The following LYRM2 variants were observed in gnomAD, a reference collection of about 807,000 sequenced individuals.
The protein encoded by LYRM2 is LYR motif-containing protein 2.
In LYRM2, 8 loss-of-function variants were observed where a neutral mutation model predicts 11.6. The ratio of observed to expected loss-of-function variants is 0.69; its 90% CI spans 0.40 to 1.24. The LOEUF (loss-of-function observed/expected upper bound fraction) is 1.24. Among genes scored for constraint, LYRM2 ranks in the 50% most tolerant of loss-of-function variants. The pLI is 0.01. For missense variants in LYRM2, 117 were observed against 102.9 expected, an observed-to-expected ratio of 1.14 and a Z score of -0.59; for synonymous variants, 30 against 36.4, an observed-to-expected ratio of 0.83 and a Z score of 0.63.
In LYRM2 at chr6:89,638,695, G is replaced by C. The variant is rs1011408373; in HGVS notation, c.22C>G (p.Pro8Ala). The change falls in exon 1 of 3, where the codon CCA becomes GCA. Residue 8 changes from proline (P) to alanine (A), a missense_variant. Pro to Ala is a conservative substitution (Grantham distance 27). Coordinates refer to ENST00000523377, the MANE Select transcript of LYRM2 (RefSeq NM_020466.5). ...ACCTGCTTTAACGTTAGCGTCGCTG[G>C]GGGTAAGCGGGAAGCAGCCATGTCC... MAASRLP[P>A]ATLTLKQFVR... 4 of 1,614,144 alleles carry C rather than the reference G, an allele frequency of 2.5e-6. No homozygotes were observed. Among genetic ancestry groups the C allele is most frequent in the East Asian group, 4.5e-5 (2 of 44,874 alleles).
intron 2 of LYRM2, 93 bp from the exon 3 acceptor site, chr6:89,637,446 AC>A: frequency 1.3e-6 from 1 of 773,744 alleles, no homozygotes; most frequent in Non-Finnish European, 2.1e-6. Flanking sequence ...AACCAATACT[AC>A]CTATTGGAAC....
chr6:89,637,646 G>A (rs776274521), intron 2 of LYRM2, 96 bp downstream of exon 2: 130 of 1,157,006 alleles, frequency 1.1e-4, no homozygotes, highest in Non-Finnish European at 1.4e-4. Context: ...CAGCTCAGTG[G>A]CACTATATTC....
Position 89,635,701 on chromosome 6 carries a change from C to T in LYRM2, c.*1572G>A, listed in dbSNP as rs1364370852. 6.6e-6 allele frequency: 1 copy of T among 152,236 alleles called. No homozygotes were observed. Among genetic ancestry groups the T allele is most frequent in the East Asian group, 1.9e-4 (1 of 5,206 alleles). 9.4% of individuals were successfully genotyped at this position (152,236 alleles called of 1,614,324 possible). On this transcript the variant is annotated 3_prime_UTR_variant, in exon 3 of 3. Transcript: ENST00000523377. ...CATCTTCCACAAGCTTTCACTTTCA[C>T]TAAATTATTTTGTTATAAATTTGAT...
rs1241681342 is a variant in LYRM2 at position 89,636,043 on chromosome 6, C to T, written c.*1230G>A. The T allele has an allele frequency of 6.0e-6, 1 of 165,616 alleles. No homozygotes were observed. Among genetic ancestry groups the T allele is most frequent in the African/African-American group, 2.4e-5 (1 of 42,030 alleles). 10.3% of individuals were successfully genotyped at this position (165,616 alleles called of 1,614,324 possible). On this transcript the variant is annotated 3_prime_UTR_variant, in exon 3 of 3. Coordinates refer to ENST00000523377, the MANE Select transcript of LYRM2 (RefSeq NM_020466.5). ...GACACATCTGAAGAACGTACCTGAA[C>T]AACCCTCAGGGATAATGCAGGATTT...
chr6:89,632,311 T>C lies in LYRM2; in HGVS notation c.*4962A>G, dbSNP rs1316834588. The C allele has an allele frequency of 2.0e-5, 3 of 152,212 alleles. No homozygotes were observed. The highest frequency in any genetic ancestry group is 2.9e-5 in the Non-Finnish European group (2 of 68,034). The allele number at this position is 152,212 out of a possible 1,614,324, so 9.4% of individuals were successfully genotyped here. A position where few individuals can be genotyped will look rare whatever the true frequency, so the allele number is the denominator to read the frequency against. ...TTATTCCCTTTGTCAAGCTCAGTTT[T>C]AGGGTTTTTTCTTTTTTTTATAGTG... On this transcript the variant is annotated 3_prime_UTR_variant, in exon 3 of 3. Coordinates refer to ENST00000523377, the MANE Select transcript of LYRM2 (RefSeq NM_020466.5).
Position 89,634,360 on chromosome 6 carries a change from C to T in LYRM2, c.*2913G>A, listed in dbSNP as rs775065770. 3.3e-5 allele frequency: 5 copies of T among 151,972 alleles called. No homozygotes were observed. Among genetic ancestry groups the T allele is most frequent in the Non-Finnish European group, 5.9e-5 (4 of 67,984 alleles). 9.4% of individuals were successfully genotyped at this position (151,972 alleles called of 1,614,324 possible). A position where few individuals can be genotyped will look rare whatever the true frequency, so the allele number is the denominator to read the frequency against. On this transcript the variant is annotated 3_prime_UTR_variant, in exon 3 of 3. Coordinates refer to ENST00000523377, the MANE Select transcript of LYRM2 (RefSeq NM_020466.5). ...TATTATAAACAGCAAGGAATATGTTCTGCTTTCTGCAATTTTAGAAAGTCA... is the reference window on the plus strand; with the variant it reads ...TATTATAAACAGCAAGGAATATGTTTTGCTTTCTGCAATTTTAGAAAGTCA...
intron 1 of LYRM2, 31 bp downstream of exon 1, chr6:89,638,641 G>A (rs1324242193): frequency 6.2e-7 from 1 of 1,613,954 alleles, no homozygotes; most frequent in Non-Finnish European, 8.5e-7. Context: ...ACCCAGGTAA[G>A]CTGCTTTGGA....
In LYRM2 at chr6:89,638,659, G is replaced by C; in HGVS notation, c.45+13C>G. 2 of 1,614,052 alleles carry C rather than the reference G, an allele frequency of 1.2e-6. No homozygotes were observed. The highest frequency in any genetic ancestry group is 1.7e-6 in the Non-Finnish European group (2 of 1,179,948). ...CAGGTAAGCTGCTTTGGAAGGCAGA[G>C]AACCGCCGGTACCTGCTTTAACGTT... On this transcript the variant is annotated intron_variant, in intron 1 of 2. Coordinates refer to ENST00000523377, the MANE Select transcript of LYRM2 (RefSeq NM_020466.5).
intron 1 of LYRM2, 68 bp from the exon 2 acceptor site, chr6:89,637,950 C>G (rs1401554688): frequency 1.6e-5 from 23 of 1,442,360 alleles, no homozygotes; most frequent in Non-Finnish European, 2.2e-5. Flanking sequence ...TCTACTTCAG[C>G]AAACCAAGCT....
Position 89,637,871 on chromosome 6 carries a change from C to A in LYRM2, c.57G>T (p.Arg19Ser). 1.2e-6 allele frequency: 2 copies of A among 1,613,632 alleles called. No individual in the cohort carries two copies. The highest frequency in any genetic ancestry group is 1.7e-6 in the Non-Finnish European group (2 of 1,179,740). ...TTCTGTAGAGGAGAAGAACTTGTTG[C>A]CTTCTTACGAACTGTAAAAGGGAGG... Reference protein sequence around the residue: ...ATLTLKQFVRRQQVLLLYRRI... With the variant: ...ATLTLKQFVRSQQVLLLYRRI... Residue 19 changes from arginine (R) to serine (S), a missense_variant, in exon 2 of 3, where the codon AGG becomes AGT. Physicochemically the swap from Arg to Ser is moderately radical, Grantham distance 110 (BLOSUM62 -1). Coordinates refer to ENST00000523377, the MANE Select transcript of LYRM2 (RefSeq NM_020466.5).
At chr6:89,637,923 T>C (rs371667119) in intron 1 of LYRM2, 41 bp from the exon 2 acceptor site, 1 of 1,562,616 alleles carries the variant, frequency 6.4e-7, no homozygotes, top group Non-Finnish European at 8.7e-7. Flanking sequence ...TACTGCACAA[T>C]CGCCAGCCTG....
chr6:89,635,556 C>T lies in LYRM2; in HGVS notation c.*1717G>A, dbSNP rs1169083696. On this transcript the variant is annotated 3_prime_UTR_variant, in exon 3 of 3. Coordinates refer to ENST00000523377, the MANE Select transcript of LYRM2 (RefSeq NM_020466.5). The stretch of plus-strand genomic sequence containing the variant: ...CTCAGACACAGTCCAGTACTGGATA[C>T]CATTTATCATTCTGCAAAATGTTGT... The T allele has an allele frequency of 7.2e-5, 11 of 152,404 alleles. No homozygotes were observed. The highest frequency in any genetic ancestry group is 1.5e-4 in the Non-Finnish European group (10 of 68,086). The allele number at this position is 152,404 out of a possible 1,614,324, so 9.4% of individuals were successfully genotyped here. A position where few individuals can be genotyped will look rare whatever the true frequency, so the allele number is the denominator to read the frequency against.
chr6:89,636,273 C>A lies in LYRM2; in HGVS notation c.*1000G>T, dbSNP rs1808000166. On this transcript the variant is annotated 3_prime_UTR_variant, in exon 3 of 3. Coordinates refer to ENST00000523377, the MANE Select transcript of LYRM2 (RefSeq NM_020466.5). Reference sequence around the variant, plus strand: ...ATTTTCATCACCCTGAAAAGGAACCCTACACCCATTAGCAGTTACTCCATT... The same window carrying A: ...ATTTTCATCACCCTGAAAAGGAACCATACACCCATTAGCAGTTACTCCATT... 6.6e-6 allele frequency: 1 copy of A among 152,216 alleles called. No homozygotes were observed. The highest frequency in any genetic ancestry group is 2.1e-4 in the South Asian group (1 of 4,836). 9.4% of individuals were successfully genotyped at this position (152,216 alleles called of 1,614,324 possible). A position where few individuals can be genotyped will look rare whatever the true frequency, so the allele number is the denominator to read the frequency against.
Position 89,636,028 on chromosome 6 carries a change from A to C in LYRM2, c.*1245T>G, listed in dbSNP as rs1338531685. 1 of 171,344 alleles carries C rather than the reference A, an allele frequency of 5.8e-6. No homozygotes were observed. Among genetic ancestry groups the C allele is most frequent in the Non-Finnish European group, 1.3e-5 (1 of 77,154 alleles). The allele number at this position is 171,344 out of a possible 1,614,324, so 10.6% of individuals were successfully genotyped here. On this transcript the variant is annotated 3_prime_UTR_variant, in exon 3 of 3. Coordinates refer to ENST00000523377, the MANE Select transcript of LYRM2 (RefSeq NM_020466.5). The stretch of plus-strand genomic sequence containing the variant: ...TCTCTATCAAACTATGACACATCTG[A>C]AGAACGTACCTGAACAACCCTCAGG...
Position 89,637,083 on chromosome 6 carries a change from T to A in LYRM2, c.*190A>T. 2.1e-6 allele frequency: 1 copy of A among 486,906 alleles called. No individual in the cohort carries two copies. Among genetic ancestry groups the A allele is most frequent in the East Asian group, 3.4e-5 (1 of 29,240 alleles). 30.2% of individuals were successfully genotyped at this position (486,906 alleles called of 1,614,324 possible). A position where few individuals can be genotyped will look rare whatever the true frequency, so the allele number is the denominator to read the frequency against. ...CTTTTAAGAACTGCTGAGACATCCA[T>A]AAACATTTTCAAAATGCAGGGTATG... On this transcript the variant is annotated 3_prime_UTR_variant, in exon 3 of 3. Transcript: ENST00000523377.
intron 2 of LYRM2, among the ~76,000 whole-genome samples, 162 bp downstream of exon 2, chr6:89,637,565 TATTTTAAAATACTAA>T (rs1485581513): frequency 2.0e-5 from 3 of 152,130 alleles, no homozygotes; most frequent in South Asian, 2.1e-4. Context: ...TTTATCTACA[TATTTTAAAATACTAA>T]ATTTTAAAAT....
At position 89,636,081 on chromosome 6, in the gene LYRM2, C is replaced by T. The variant is rs1056322869; in HGVS notation, c.*1192G>A. 1 of 154,944 alleles carries T rather than the reference C, an allele frequency of 6.5e-6. No homozygotes were observed. The highest frequency in any genetic ancestry group is 1.9e-4 in the South Asian group (1 of 5,194). 9.6% of individuals were successfully genotyped at this position (154,944 alleles called of 1,614,324 possible). ...TAATGCAGGATTTTTCGAGAAAGTTCCAGGGTATCTCCTGGTGTCAGTATA... is the reference window on the plus strand; with the variant it reads ...TAATGCAGGATTTTTCGAGAAAGTTTCAGGGTATCTCCTGGTGTCAGTATA... On this transcript the variant is annotated 3_prime_UTR_variant, in exon 3 of 3. Transcript: ENST00000523377.
At chr6:89,638,022 T>C in intron 1 of LYRM2, 140 bp from the exon 2 acceptor site, 1 of 957,130 alleles carries the variant, frequency 1.0e-6, no homozygotes, top group Admixed American at 2.6e-5. Context: ...TTTTTTTTTC[T>C]TTTTTTGGCC....
rs1203808423 is a variant in LYRM2 at position 89,637,884 on chromosome 6, T to C, written c.46-2A>G. On this transcript the variant is annotated splice_acceptor_variant, in intron 1 of 2. Transcript: ENST00000523377. LOFTEE classifies it high-confidence loss of function. The stretch of plus-strand genomic sequence containing the variant: ...AAGAACTTGTTGCCTTCTTACGAAC[T>C]GTAAAAGGGAGGAGTAAATAGCAAT... 8 of 1,612,400 alleles carry C rather than the reference T, an allele frequency of 5.0e-6. No individual in the cohort carries two copies. The African/African-American group carries it at 9.3e-5, about 19-fold the overall frequency.
Sources: gnomAD v4.1 joint callset for allele counts (sites outside exome capture counted in the v4.1 genomes callset) on GRCh38, gnomAD v4.1.1 for gene constraint, MANE v1.5 for transcripts, NCBI Gene and HGNC (gene_info 2026-07-23, HGNC 2026-07-21) for gene names.